ZFHX3: variants seen among roughly 807,000 people sequenced by gnomAD.
ZFHX3 encodes zinc finger homeobox 3.
In ZFHX3, 42 loss-of-function variants were observed where a neutral mutation model predicts 279.1. That is an observed-to-expected ratio of 0.15 (90% confidence interval 0.12 to 0.19). ZFHX3 has a LOEUF of 0.19. Ranked by LOEUF, ZFHX3 falls within the 10% of genes least tolerant of loss-of-function variation. ZFHX3 has a pLI of 1.00. For missense variants in ZFHX3, 4,981 were observed against 4,754.0 expected (o/e 1.05, Z -1.40); for synonymous variants, 2,293 against 1,957.8 (o/e 1.17, Z -4.52).
At chr16:73,727,819 C>T (rs771909544) in intron 1 of ZFHX3, among the ~76,000 whole-genome samples, 6 of 152,138 alleles carry the variant, frequency 3.9e-5, no homozygotes, top group Non-Finnish European at 8.8e-5. Flanking sequence ...CCTGGGGTTC[C>T]AGTTGAACCA....
chr16:73,653,733 A>T (rs920693834), intron 2 of ZFHX3, among the ~76,000 whole-genome samples: 26 of 151,718 alleles, frequency 1.7e-4, no homozygotes, highest in African/African-American at 6.1e-4. Flanking sequence ...ACTAGATTTA[A>T]TAAAACAGAA....
chr16:73,563,501 C>A (rs1223973273), intron 2 of ZFHX3, among the ~76,000 whole-genome samples: 3 of 151,972 alleles, frequency 2.0e-5, no homozygotes, highest in Non-Finnish European at 4.4e-5. Context: ...TCGTGATCCG[C>A]CCGCCTCAGC....
chr16:73,630,892 C>T (rs2052462198), intron 2 of ZFHX3, among the ~76,000 whole-genome samples: 1 of 152,158 alleles, frequency 6.6e-6, no homozygotes, highest in South Asian at 2.1e-4. Flanking sequence ...GAATCATTCC[C>T]CAGAGAAAGA....
intron 1 of ZFHX3, among the ~76,000 whole-genome samples, chr16:73,763,002 TA>T (rs1360063100): frequency 6.6e-6 from 1 of 152,120 alleles, no homozygotes; most frequent in African/African-American, 2.4e-5. Flanking sequence ...AAATTTTTTT[TA>T]AAAAGGAAGT....
At chr16:73,822,429 A>T (rs930756858) in intron 1 of ZFHX3, among the ~76,000 whole-genome samples, 4 of 152,206 alleles carry the variant, frequency 2.6e-5, no homozygotes, top group African/African-American at 9.7e-5. Context: ...GTCCTAAAAT[A>T]CAATTAGTTA....
intron 1 of ZFHX3, among the ~76,000 whole-genome samples, chr16:73,699,322 G>T (rs2142215102): frequency 6.6e-6 from 1 of 151,854 alleles, no homozygotes; most frequent in East Asian, 1.9e-4. Flanking sequence ...AAAATAAAAA[G>T]AAAAAAATAG....
chr16:73,221,138 G>A (rs2012405574), intron 5 of ZFHX3, among the ~76,000 whole-genome samples: 1 of 152,162 alleles, frequency 6.6e-6, no homozygotes, highest in Admixed American at 6.6e-5. Flanking sequence ...TTGAGGTTTT[G>A]AACTTGACTT....
At chr16:73,853,619 G>A (rs1387518756) in intron 1 of ZFHX3, among the ~76,000 whole-genome samples, 1 of 152,110 alleles carries the variant, frequency 6.6e-6, no homozygotes, top group African/African-American at 2.4e-5. Flanking sequence ...ATAAGTAGGA[G>A]CTAAACAATA....
rs764024381 is a variant in ZFHX3 at position 72,798,672 on chromosome 16, C to T, written c.4010G>A (p.Ser1337Asn). The T allele has an allele frequency of 3.2e-6, 5 of 1,585,576 alleles. 1 individual carries two copies. In the South Asian group the frequency reaches 3.4e-5, roughly 11 times the overall value. ...DLGKNILPSASTEQSGDLKPS... is the reference protein window; with the variant it reads ...DLGKNILPSANTEQSGDLKPS... ...TTTCAAATCTCCGCTTTGCTCTGTGCTTGCGGATGGCAAGATGTTCTTTCC... is the reference window on the plus strand; with the variant it reads ...TTTCAAATCTCCGCTTTGCTCTGTGTTTGCGGATGGCAAGATGTTCTTTCC... Residue 1337 changes from serine (S) to asparagine (N), a missense_variant, in exon 9 of 10, where the codon AGC (serine) becomes AAC (asparagine). This residue lies in a region of ZFHX3 where 1,751 missense variants were observed against 1,770.0 expected (regional missense o/e 0.99). Coordinates refer to ENST00000268489, the MANE Select transcript of ZFHX3 (RefSeq NM_006885.4).
At chr16:73,742,753 A>G (rs2053670765) in intron 1 of ZFHX3, among the ~76,000 whole-genome samples, 2 of 152,196 alleles carry the variant, frequency 1.3e-5, no homozygotes, top group Admixed American at 6.5e-5. Context: ...TTTTTTCTAC[A>G]GAGCTAGGAA....
chr16:73,210,126 C>G (rs2011959372), intron 5 of ZFHX3, among the ~76,000 whole-genome samples: 1 of 152,178 alleles, frequency 6.6e-6, no homozygotes, highest in African/African-American at 2.4e-5. Context: ...CAGGTCAAGA[C>G]CATGCTCAGT....
intron 1 of ZFHX3, among the ~76,000 whole-genome samples, chr16:72,986,843 A>C (rs568047281): frequency 8.5e-5 from 13 of 152,290 alleles, no homozygotes; most frequent in African/African-American, 3.1e-4. Flanking sequence ...CAGAGTGTGA[A>C]ATGGAAAAAA....
At chr16:73,846,221 T>C (rs960413897) in intron 1 of ZFHX3, among the ~76,000 whole-genome samples, 1 of 152,132 alleles carries the variant, frequency 6.6e-6, no homozygotes, top group African/African-American at 2.4e-5. Flanking sequence ...TTTGACTGTA[T>C]GCAAGTGATG....
intron 1 of ZFHX3, among the ~76,000 whole-genome samples, chr16:73,799,339 C>T (rs764935084): frequency 1.3e-5 from 2 of 152,186 alleles, no homozygotes; most frequent in Non-Finnish European, 2.9e-5. Flanking sequence ...TTATTTAAAA[C>T]TCCATAGGTG....
chr16:73,631,045 T>G (rs1448990717), intron 2 of ZFHX3, among the ~76,000 whole-genome samples: 1 of 152,202 alleles, frequency 6.6e-6, no homozygotes, highest in Non-Finnish European at 1.5e-5. Flanking sequence ...ATTTTCAACT[T>G]GCAGCAGCGG....
At chr16:73,029,893 T>G (rs1185911650) in intron 1 of ZFHX3, among the ~76,000 whole-genome samples, 1 of 152,178 alleles carries the variant, frequency 6.6e-6, no homozygotes, top group Non-Finnish European at 1.5e-5. Flanking sequence ...GAATGCAAAA[T>G]GTCAACAAAA....
chr16:73,253,571 C>G (rs887054491), intron 5 of ZFHX3, among the ~76,000 whole-genome samples: 2 of 151,824 alleles, frequency 1.3e-5, no homozygotes, highest in Non-Finnish European at 2.9e-5. Context: ...CCTGCCTCAG[C>G]CTCCCTAGTA....
chr16:73,609,607 C>T (rs754010285), intron 2 of ZFHX3: 1 of 150,070 alleles, frequency 6.7e-6, no homozygotes, highest in East Asian at 2.0e-4. Flanking sequence ...CACTGGGGGA[C>T]GACTTAGCAG....
chr16:73,321,853 G>GAGAC (rs1242900298), intron 3 of ZFHX3, among the ~76,000 whole-genome samples: 1 of 152,088 alleles, frequency 6.6e-6, no homozygotes, highest in Non-Finnish European at 1.5e-5. Context: ...AAAAGACAGA[G>GAGAC]AGAGAGAGAG....
Sources: gnomAD v4.1 joint callset for allele counts (sites outside exome capture counted in the v4.1 genomes callset) on GRCh38, gnomAD v4.1.1 for gene constraint, gnomAD v4.1.1 regional missense constraint, MANE v1.5 for transcripts, NCBI Gene and HGNC (gene_info 2026-07-23, HGNC 2026-07-21) for gene names.